MEIS2: variants seen among roughly 807,000 people sequenced by gnomAD.
The protein encoded by MEIS2 is Meis homeobox 2.
A neutral mutation model predicts 58.6 loss-of-function variants in MEIS2; 9 were observed. That is an observed-to-expected ratio of 0.15 (90% CI 0.09 to 0.27). The LOEUF (loss-of-function observed/expected upper bound fraction) is 0.27. MEIS2 is among the 10% of genes least tolerant of loss of function. The pLI is 1.00. For synonymous variants in MEIS2, 221 were observed against 228.4 expected (o/e 0.97, Z 0.29); for missense variants, 427 against 635.0 (o/e 0.67, Z 3.52).
At chr15:37,020,934 G>A (rs2061506289) in intron 8 of MEIS2, among the ~76,000 whole-genome samples, 1 of 152,070 alleles carries the variant, frequency 6.6e-6, no homozygotes, top group African/African-American at 2.4e-5. Flanking sequence ...CCTATTTGGA[G>A]ATAGGGCTTT....
Position 36,983,679 on chromosome 15 carries a change from A to C in MEIS2, c.901-33279T>G, listed in dbSNP as rs374482419. Among the ~76,000 whole-genome samples, 18 of 152,168 alleles carry C rather than the reference A, an allele frequency of 1.2e-4. No homozygotes were observed. In the East Asian group the frequency reaches 3.3e-3, roughly 28 times the overall value. ...AGGATTGTTTTTTCTATTTCTAAGA[A>C]AAATAACATTGGAATTTTGATAAGG... On this transcript the variant is annotated intron_variant, in intron 8 of 11. Transcript: ENST00000561208.
intron 11 of MEIS2, among the ~76,000 whole-genome samples, 155 bp downstream of exon 11, chr15:36,894,996 A>AT (rs61146116): frequency 0.91 from 137,803 of 152,168 alleles, 62,823 homozygotes; most frequent in East Asian, 0.98. Context: ...TCAAAGAGGA[A>AT]TTTTTTCCCC....
chr15:36,916,717 GC>G (rs1338517448), intron 9 of MEIS2, among the ~76,000 whole-genome samples: 2 of 152,286 alleles, frequency 1.3e-5, no homozygotes, highest in African/African-American at 4.8e-5. Context: ...ATAGGTGTAA[GC>G]CACTGCGCAC....
chr15:37,054,138 C>T (rs1383172957), intron 7 of MEIS2, among the ~76,000 whole-genome samples: 2 of 152,194 alleles, frequency 1.3e-5, no homozygotes, highest in African/African-American at 4.8e-5. Context: ...AATGGCAATT[C>T]CATAAAGCAT....
chr15:37,098,986 C>T, intron 1 of MEIS2: 1 of 984,270 alleles, frequency 1.0e-6, no homozygotes, highest in Non-Finnish European at 1.2e-6. Context: ...GTCTAGGCGG[C>T]GGCGCAGCGG....
At chr15:36,916,179 G>A (rs138381493) in intron 9 of MEIS2, among the ~76,000 whole-genome samples, 5 of 151,478 alleles carry the variant, frequency 3.3e-5, no homozygotes, top group East Asian at 2.0e-4. Context: ...TGTAATCCTC[G>A]CACTTCGGAA....
intron 7 of MEIS2, among the ~76,000 whole-genome samples, chr15:37,054,853 C>G (rs920056555): frequency 6.6e-6 from 1 of 152,204 alleles, no homozygotes; most frequent in Non-Finnish European, 1.5e-5. Context: ...AGCGTACATT[C>G]TATTATATGC....
chr15:37,092,171 C>T (rs1041209133), intron 6 of MEIS2, among the ~76,000 whole-genome samples: 30 of 152,216 alleles, frequency 2.0e-4, no homozygotes, highest in African/African-American at 6.3e-4. Flanking sequence ...GCCTTCAACA[C>T]CGCAGTATTT....
intron 9 of MEIS2, among the ~76,000 whole-genome samples, chr15:36,909,640 A>G (rs1055219304): frequency 2.4e-4 from 36 of 152,272 alleles, no homozygotes; most frequent in African/African-American, 8.2e-4. Flanking sequence ...TAGAGGTATT[A>G]GTTAAAGGTG....
At chr15:37,033,582 C>A (rs908587870) in intron 8 of MEIS2, among the ~76,000 whole-genome samples, 1 of 152,178 alleles carries the variant, frequency 6.6e-6, no homozygotes, top group Admixed American at 6.5e-5. Context: ...CATATTGAAT[C>A]ATGCACTTGT....
chr15:37,078,605 CAAAAAAA>C (rs540405090), intron 7 of MEIS2, among the ~76,000 whole-genome samples: 8 of 69,392 alleles, frequency 1.2e-4, no homozygotes, highest in Admixed American at 7.6e-4. Context: ...AAAAAACAAC[CAAAAAAA>C]AAAAAAAAAA....
chr15:36,995,854 T>C lies in MEIS2; in HGVS notation c.900+40960A>G, dbSNP rs542372470. 1.4e-3 allele frequency among the ~76,000 whole-genome samples: 204 copies of C among 147,406 alleles called. 1 individual carries two copies. The highest frequency in any genetic ancestry group is 4.8e-3 in the African/African-American group (194 of 40,600). ...GGTAAGTGAGCACACAATAGGCATT[T>C]TTCTTGTTCGACTTGAATCTTTGTA... On this transcript the variant is annotated intron_variant, in intron 8 of 11. Coordinates refer to ENST00000561208, the MANE Select transcript of MEIS2 (RefSeq NM_170675.5).
intron 8 of MEIS2, among the ~76,000 whole-genome samples, chr15:36,991,811 G>A (rs1375656480): frequency 3.0e-4 from 28 of 92,954 alleles, no homozygotes; most frequent in Non-Finnish European, 4.8e-4. Context: ...TTTTTGAGAC[G>A]GAGTCTCGCT....
intron 8 of MEIS2, among the ~76,000 whole-genome samples, chr15:36,996,599 C>A (rs2060529250): frequency 6.6e-6 from 1 of 152,110 alleles, no homozygotes; most frequent in African/African-American, 2.4e-5. Context: ...GCAAAACTTC[C>A]AAGATTTCCT....
intron 11 of MEIS2, among the ~76,000 whole-genome samples, chr15:36,893,159 T>C (rs1205966372): frequency 6.6e-6 from 1 of 152,250 alleles, no homozygotes; most frequent in Admixed American, 6.5e-5. Flanking sequence ...AATTGAGATA[T>C]GCAACATTCA....
At chr15:37,018,796 G>C (rs2061429803) in intron 8 of MEIS2, among the ~76,000 whole-genome samples, 1 of 152,144 alleles carries the variant, frequency 6.6e-6, no homozygotes, top group South Asian at 2.1e-4. Flanking sequence ...CTAATGGCAG[G>C]GGGTAAGGCA....
chr15:36,904,222 A>C (rs777795880), intron 9 of MEIS2, among the ~76,000 whole-genome samples: 1 of 152,160 alleles, frequency 6.6e-6, no homozygotes, highest in Non-Finnish European at 1.5e-5. Context: ...CAGCAACATC[A>C]ACAAGCTCTG....
At chr15:37,079,717 G>A (rs963842021) in intron 7 of MEIS2, among the ~76,000 whole-genome samples, 7 of 152,120 alleles carry the variant, frequency 4.6e-5, no homozygotes, top group African/African-American at 1.2e-4. Context: ...ATCTAGCTAT[G>A]AGGAATTCTA....
chr15:36,920,767 AAAAG>A (rs2057475215), intron 9 of MEIS2, among the ~76,000 whole-genome samples: 1 of 152,198 alleles, frequency 6.6e-6, no homozygotes, highest in Admixed American at 6.5e-5. Context: ...TAAAACAATA[AAAAG>A]TTATAAAGTA....
Sources: gnomAD v4.1 joint callset for allele counts (sites outside exome capture counted in the v4.1 genomes callset) on GRCh38, gnomAD v4.1.1 for gene constraint, MANE v1.5 for transcripts, NCBI Gene and HGNC (gene_info 2026-07-23, HGNC 2026-07-21) for gene names.